The following VWA3B variants were observed in gnomAD, a reference collection of about 807,000 sequenced individuals.
VWA3B encodes the protein von Willebrand factor A domain-containing protein 3B.
Under a neutral mutation model 158.3 loss-of-function variants are expected in VWA3B, and 138 were observed. That is an observed-to-expected ratio of 0.87 (90% CI 0.76 to 1.00). The LOEUF (loss-of-function observed/expected upper bound fraction) is 1.00. Among genes scored for constraint, VWA3B ranks in the 50% least tolerant of loss-of-function variants. The pLI, the probability that VWA3B is intolerant of heterozygous loss-of-function variation, is 0.00. For synonymous variants in VWA3B, 596 were observed against 587.3 expected (o/e 1.01, Z -0.21); for missense variants, 1,555 against 1,565.1 (o/e 0.99, Z 0.11).
intron 19 of VWA3B, among the ~76,000 whole-genome samples, chr2:98,246,764 C>A (rs1686425180): frequency 6.6e-6 from 1 of 152,096 alleles, no homozygotes; most frequent in Admixed American, 6.5e-5. Context: ...ACACTGGAAG[C>A]ACCATTATGA....
In VWA3B at chr2:98,181,033, G is replaced by T; in HGVS notation, c.1132G>T (p.Val378Phe). The change falls in exon 9 of 28, where the codon GTT (valine) becomes TTT (phenylalanine). Residue 378 changes from valine to phenylalanine, a missense_variant. By Grantham distance (50) the Val-to-Phe change is conservative. Transcript: ENST00000477737. ...TVDCESETTS[V>F]EIASNPEDTW... is the part of the protein sequence containing the mutation. ...TTCTACAGAGTCAGAAACAACCTCT[G>T]TTGAGATTGCATCGAATCCAGAAGA... The T allele has an allele frequency of 6.2e-7, 1 of 1,614,208 alleles. No individual in the cohort carries two copies. The highest frequency in any genetic ancestry group is 8.5e-7 in the Non-Finnish European group (1 of 1,180,028).
intron 10 of VWA3B, 56 bp from the exon 11 acceptor site, chr2:98,192,842 A>G: frequency 3.7e-6 from 6 of 1,612,570 alleles, no homozygotes; most frequent in Non-Finnish European, 5.1e-6. Flanking sequence ...TCTTGGGAAG[A>G]TGCTCTTGTT....
At chr2:98,130,327 G>A (rs112181045) in intron 6 of VWA3B, among the ~76,000 whole-genome samples, 2,943 of 152,070 alleles carry the variant, frequency 0.019, 59 homozygotes, top group Non-Finnish European at 0.026. Flanking sequence ...ATTGCCCAGG[G>A]ACAAGCAGGA....
intron 12 of VWA3B, among the ~76,000 whole-genome samples, chr2:98,195,088 A>G (rs1382322352): frequency 2.0e-5 from 3 of 152,214 alleles, no homozygotes; most frequent in Non-Finnish European, 4.4e-5. Context: ...TTTATAGCAT[A>G]TAGCATTGCG....
chr2:98,267,717 C>CA (rs1163655716), intron 21 of VWA3B, among the ~76,000 whole-genome samples: 4 of 151,674 alleles, frequency 2.6e-5, no homozygotes, highest in Non-Finnish European at 5.9e-5. Context: ...AATAGAGACA[C>CA]AAAAAACCCT....
intron 23 of VWA3B, among the ~76,000 whole-genome samples, chr2:98,296,663 G>T (rs113301407): frequency 6.6e-6 from 1 of 152,302 alleles, no homozygotes; most frequent in African/African-American, 2.4e-5. Flanking sequence ...ACATGCCGTG[G>T]AGCCCAGCGG....
At chr2:98,330,123 T>A in the VWA3B span, among the ~76,000 whole-genome samples, 1 of 152,202 alleles carries the variant, frequency 6.6e-6, no homozygotes, top group South Asian at 2.1e-4. Flanking sequence ...AGAGTCACCA[T>A]CTTCCAAGGG....
rs117132139 is a variant in VWA3B, at chr2:98,133,642, C to T, written c.873-182C>T. On this transcript the variant is annotated intron_variant, in intron 6 of 27. Transcript: ENST00000477737. ...CCCACATCATTCACAATTCTCTGTG[C>T]TATTCTGCCTCCCTGTCTTTTGCTT... The T allele has an allele frequency of 6.6e-6, 4 of 601,966 alleles. No individual in the cohort carries two copies. In the East Asian group the frequency reaches 8.0e-5, roughly 12 times the overall value. 37.3% of individuals were successfully genotyped at this position (601,966 alleles called of 1,614,324 possible).
At position 98,192,811 on chromosome 2, in the gene VWA3B, T is replaced by C. The variant is rs1337257874; in HGVS notation, c.1467-87T>C. 11 of 1,570,638 alleles carry C rather than the reference T, an allele frequency of 7.0e-6. No homozygotes were observed. The East Asian group carries it at 2.2e-4, about 32-fold the overall frequency. ...TAAACAACATAGCGCAGCTCTGTCC[T>C]CTGCAGATGCATCGTTAAGTTCTTG... On this transcript the variant is annotated intron_variant, in intron 10 of 27. Coordinates refer to ENST00000477737, the MANE Select transcript of VWA3B (RefSeq NM_144992.5).
At chr2:98,248,132 C>G (rs546503141) in intron 19 of VWA3B, among the ~76,000 whole-genome samples, 1 of 151,888 alleles carries the variant, frequency 6.6e-6, no homozygotes, top group East Asian at 1.9e-4. Context: ...TCCATTTCTT[C>G]TTAAGACACT....
At chr2:98,146,031 A>G (rs7601891) in intron 7 of VWA3B, among the ~76,000 whole-genome samples, 97,059 of 151,922 alleles carry the variant, frequency 0.64, 32,829 homozygotes, top group African/African-American at 0.86. Flanking sequence ...CACTGCACCT[A>G]GCCCTTTCCT....
chr2:98,138,416 A>G (rs1017413365), intron 7 of VWA3B, among the ~76,000 whole-genome samples: 1 of 152,208 alleles, frequency 6.6e-6, no homozygotes, highest in African/African-American at 2.4e-5. Flanking sequence ...TATGCTAGAG[A>G]GATCCATTAA....
intron 23 of VWA3B, among the ~76,000 whole-genome samples, chr2:98,294,027 G>A (rs906048971): frequency 6.6e-6 from 1 of 151,760 alleles, no homozygotes; most frequent in Non-Finnish European, 1.5e-5. Context: ...CCTCAGTTTG[G>A]GTTAGATTAC....
At chr2:98,276,287 G>A (rs779792636) in intron 22 of VWA3B, among the ~76,000 whole-genome samples, 7 of 152,118 alleles carry the variant, frequency 4.6e-5, no homozygotes, top group African/African-American at 1.4e-4. Context: ...GTCACACCCC[G>A]CAGATTCGAT....
chr2:98,179,363 C>T (rs1177236919), intron 8 of VWA3B: 1 of 470,386 alleles, frequency 2.1e-6, no homozygotes, highest in African/African-American at 2.0e-5. Flanking sequence ...CTGGAAAACA[C>T]CACGAGAATG....
At chr2:98,224,153 TAAAGGA>T (rs933282259) in intron 14 of VWA3B, among the ~76,000 whole-genome samples, 30 of 151,982 alleles carry the variant, frequency 2.0e-4, no homozygotes, top group East Asian at 1.2e-3. Flanking sequence ...GTTTTCAAGC[TAAAGGA>T]AATTATAAAA....
At chr2:98,106,203 C>T (rs1172023000) in intron 2 of VWA3B, among the ~76,000 whole-genome samples, 1 of 152,194 alleles carries the variant, frequency 6.6e-6, no homozygotes, top group African/African-American at 2.4e-5. Context: ...GTGTGAGCCA[C>T]TGCGCCTGGC....
the VWA3B span, among the ~76,000 whole-genome samples, chr2:98,330,439 G>A: frequency 1.3e-5 from 2 of 152,212 alleles, no homozygotes; most frequent in South Asian, 2.1e-4. Context: ...GAAACATCTC[G>A]TTTGCTGTTT....
chr2:98,323,392 A>G, the VWA3B span, among the ~76,000 whole-genome samples: 1 of 152,160 alleles, frequency 6.6e-6, no homozygotes, highest in Non-Finnish European at 1.5e-5. Context: ...AACAAATAAA[A>G]AGGGAAAGAA....
Sources: allele counts gnomAD v4.1 joint callset (sites outside exome capture counted in the v4.1 genomes callset), GRCh38; gene constraint gnomAD v4.1.1; transcripts MANE v1.5; gene names NCBI Gene and HGNC (gene_info 2026-07-23, HGNC 2026-07-21).